AHCYL2: variants seen among roughly 807,000 people sequenced by gnomAD.
The protein encoded by AHCYL2 is S-adenosylhomocysteine hydrolase-like protein 2.
In AHCYL2, 28 loss-of-function variants were observed where a neutral mutation model predicts 81.4. The observed-to-expected ratio is 0.34, with a 90% CI of 0.25 to 0.47. The LOEUF (loss-of-function observed/expected upper bound fraction) is 0.47, where lower values mean the gene tolerates loss of function less well. Among genes scored for constraint, AHCYL2 ranks in the 20% least tolerant of loss-of-function variants. The probability of loss-of-function intolerance (pLI) is 1.00; values close to 1 mark genes in which losing one functional copy is unlikely to be tolerated. For missense variants in AHCYL2, 551 were observed against 785.1 expected (o/e 0.70, Z 3.56); for synonymous variants, 272 against 290.2 (o/e 0.94, Z 0.64).
rs1291683686 is a variant in AHCYL2, at chr7:129,368,874, C to T, written c.364-10764C>T. Among the ~76,000 whole-genome samples the T allele has an allele frequency of 6.6e-6, 1 of 152,094 alleles. No individual in the cohort carries two copies. Among genetic ancestry groups the T allele is most frequent in the African/African-American group, 2.4e-5 (1 of 41,404 alleles). On this transcript the variant is annotated intron_variant, in intron 1 of 16. Coordinates refer to ENST00000325006, the MANE Select transcript of AHCYL2 (RefSeq NM_015328.4). The surrounding 1 kb of genome is among the most constrained non-coding windows in gnomAD (Gnocchi z 4.4). Reference sequence around the variant, plus strand: ...GACTGTTTTGCACTTCTGTTTTCAACCTGATGCTTCATTTGTTTCTCTGGG... The same window carrying T: ...GACTGTTTTGCACTTCTGTTTTCAATCTGATGCTTCATTTGTTTCTCTGGG...
At chr7:129,347,665 AGT>A (rs1371249953) in intron 1 of AHCYL2, among the ~76,000 whole-genome samples, 29 of 152,158 alleles carry the variant, frequency 1.9e-4, no homozygotes, top group Non-Finnish European at 3.8e-4. Context: ...TTACAGTGAT[AGT>A]GAACAATTAC....
At chr7:129,301,293 T>G (rs778502102) in intron 1 of AHCYL2, among the ~76,000 whole-genome samples, 1 of 152,210 alleles carries the variant, frequency 6.6e-6, no homozygotes, top group Non-Finnish European at 1.5e-5. Context: ...TGCAAATACT[T>G]TCTCCCATTC....
intron 1 of AHCYL2, among the ~76,000 whole-genome samples, chr7:129,340,778 T>C (rs1436049353): frequency 2.0e-5 from 3 of 152,214 alleles, no homozygotes; most frequent in Non-Finnish European, 1.5e-5. Context: ...GATCATATGA[T>C]ATTTTCTCCT....
intron 1 of AHCYL2, among the ~76,000 whole-genome samples, chr7:129,321,535 T>G (rs1318379801): frequency 6.6e-6 from 1 of 152,204 alleles, no homozygotes; most frequent in Non-Finnish European, 1.5e-5. Flanking sequence ...ATTATTCTTT[T>G]CATATATTGC....
At chr7:129,353,384 CT>C (rs1044149425) in intron 1 of AHCYL2, among the ~76,000 whole-genome samples, 4 of 152,000 alleles carry the variant, frequency 2.6e-5, no homozygotes, top group African/African-American at 7.2e-5. Flanking sequence ...TTACTATTTT[CT>C]TTCTTTCATA....
In AHCYL2 at chr7:129,379,651, C is replaced by T. The variant is rs1318881662; in HGVS notation, c.377C>T (p.Ala126Val). 1 of 1,613,814 alleles carries T rather than the reference C, an allele frequency of 6.2e-7. No homozygotes were observed. The highest frequency in any genetic ancestry group is 1.3e-5 in the African/African-American group (1 of 75,014). The change falls in exon 2 of 17, where the codon GCT (alanine) becomes GTT (valine). Residue 126 changes from alanine (A) to valine (V), a missense_variant. Around this residue, in one of 2 missense-constraint regions of AHCYL2, gnomAD observed 235 missense variants for 242.1 expected, o/e 0.97. Transcript: ENST00000325006. The stretch of plus-strand genomic sequence containing the variant: ...TCTTTTTCTTAGCAGATCCAGTTTG[C>T]TGACCAGAAGCAAGAATTCAACAAA... The part of the protein sequence containing the change: ...PRTVKKQIQF[A>V]DQKQEFNKRP...
At chr7:129,272,909 TTTATTA>T (rs35382981) in intron 1 of AHCYL2, among the ~76,000 whole-genome samples, 1 of 151,840 alleles carries the variant, frequency 6.6e-6, no homozygotes, top group Non-Finnish European at 1.5e-5. Flanking sequence ...TGACTTTTAT[TTTATTA>T]TTATTATTAT....
intron 1 of AHCYL2, among the ~76,000 whole-genome samples, chr7:129,369,763 G>A (rs2150858148): frequency 6.6e-6 from 1 of 152,144 alleles, no homozygotes; most frequent in Middle Eastern, 3.4e-3. Context: ...TGTTGGCCAG[G>A]CTGGTCTTGA....
chr7:129,320,031 A>G (rs1346816603), intron 1 of AHCYL2, among the ~76,000 whole-genome samples: 11 of 152,288 alleles, frequency 7.2e-5, no homozygotes, highest in African/African-American at 2.4e-5. Context: ...ATTCATGACA[A>G]TAGTATGTGA....
intron 1 of AHCYL2, among the ~76,000 whole-genome samples, chr7:129,253,671 G>T (rs1563167712): frequency 6.6e-6 from 1 of 152,250 alleles, no homozygotes; most frequent in East Asian, 1.9e-4. Context: ...GGGTGCAGTG[G>T]TTCAGACACA....
At chr7:129,398,356 TTTTTTA>T (rs139053061) in intron 5 of AHCYL2, among the ~76,000 whole-genome samples, 3,348 of 149,284 alleles carry the variant, frequency 0.022, 62 homozygotes, top group Admixed American at 0.053. Flanking sequence ...TTAATTTTTA[TTTTTTA>T]TTTTTATTTT....
chr7:129,422,735 G>C (rs914559159), intron 12 of AHCYL2, 105 bp from the exon 13 acceptor site: 2 of 898,540 alleles, frequency 2.2e-6, no homozygotes, highest in Non-Finnish European at 1.8e-6. Flanking sequence ...TGGCATGTTG[G>C]TTGCTCCTTT....
At chr7:129,271,327 A>G (rs571855609) in intron 1 of AHCYL2, among the ~76,000 whole-genome samples, 32 of 150,114 alleles carry the variant, frequency 2.1e-4, no homozygotes, top group African/African-American at 7.9e-4. Flanking sequence ...TGCCACTGCA[A>G]TCCAGCCTGG....
chr7:129,230,079 CTTTTTTTTT>C (rs35056717), intron 1 of AHCYL2, among the ~76,000 whole-genome samples: 3 of 109,432 alleles, frequency 2.7e-5, no homozygotes, highest in African/African-American at 1.0e-4. Context: ...TTATTTAATT[CTTTTTTTTT>C]TTTTTTTTTT....
intron 1 of AHCYL2, among the ~76,000 whole-genome samples, chr7:129,373,103 T>A (rs1004879101): frequency 2.0e-5 from 3 of 151,580 alleles, no homozygotes; most frequent in East Asian, 3.9e-4. Context: ...TGAAAAAAAT[T>A]TTTTTTTTTA....
chr7:129,374,797 A>T (rs1274841288), intron 1 of AHCYL2, among the ~76,000 whole-genome samples: 2 of 148,838 alleles, frequency 1.3e-5, no homozygotes, highest in African/African-American at 5.0e-5. Flanking sequence ...AAAAGAGCAA[A>T]ACTCCATCTC....
chr7:129,327,339 T>G (rs1439309590), intron 1 of AHCYL2, among the ~76,000 whole-genome samples: 1 of 152,214 alleles, frequency 6.6e-6, no homozygotes, highest in Non-Finnish European at 1.5e-5. Flanking sequence ...ACCAGATTTG[T>G]TGCACGTTGA....
At chr7:129,423,218 C>T (rs1201201707) in intron 13 of AHCYL2, among the ~76,000 whole-genome samples, 1 of 152,176 alleles carries the variant, frequency 6.6e-6, no homozygotes, top group Non-Finnish European at 1.5e-5. Flanking sequence ...CAGATAGAAC[C>T]AGTGCCACTT....
chr7:129,305,873 T>C (rs928424135), intron 1 of AHCYL2, among the ~76,000 whole-genome samples: 1 of 152,260 alleles, frequency 6.6e-6, no homozygotes, highest in African/African-American at 2.4e-5. Flanking sequence ...TATACTGTTC[T>C]AGGATAAAAG....
Sources: gnomAD v4.1 joint callset for allele counts (sites outside exome capture counted in the v4.1 genomes callset) on GRCh38, gnomAD v4.1.1 for gene constraint, gnomAD v4.1.1 regional missense constraint, Gnocchi (gnomAD v3.1) non-coding constraint, MANE v1.5 for transcripts, NCBI Gene and HGNC (gene_info 2026-07-23, HGNC 2026-07-21) for gene names.